RBFOX3: variants seen among roughly 807,000 people sequenced by gnomAD.
RBFOX3 encodes the protein RNA binding fox-1 homolog 3.
RBFOX3 carries 17 observed loss-of-function variants against 48.7 expected under a neutral mutation model. The ratio of observed to expected loss-of-function variants is 0.35; its 90% CI spans 0.24 to 0.52. RBFOX3 has a LOEUF of 0.52. Ranked by LOEUF, RBFOX3 falls within the 20% of genes least tolerant of loss-of-function variation. RBFOX3 has a pLI of 0.94. For missense variants in RBFOX3, 382 were observed against 497.5 expected (o/e 0.77, Z 2.21); for synonymous variants, 212 against 209.5 (o/e 1.01, Z -0.10).
chr17:79,657,841 C>T, the RBFOX3 span, among the ~76,000 whole-genome samples: 2 of 152,310 alleles, frequency 1.3e-5, no homozygotes, highest in Non-Finnish European at 2.9e-5. Context: ...ATGTTTCCCT[C>T]CGTTTTTAAA....
intron 2 of RBFOX3, among the ~76,000 whole-genome samples, chr17:79,448,086 G>A (rs1304467195): frequency 6.6e-6 from 1 of 152,120 alleles, no homozygotes; most frequent in Non-Finnish European, 1.5e-5. Flanking sequence ...CACGCTTCTG[G>A]TACAACCTGT....
the RBFOX3 span, among the ~76,000 whole-genome samples, chr17:79,654,131 A>C: frequency 6.6e-6 from 1 of 152,170 alleles, no homozygotes; most frequent in Admixed American, 6.5e-5. Context: ...GGACGTATAC[A>C]GCTTGCAAAG....
At chr17:79,305,873 T>C (rs12940302) in intron 3 of RBFOX3, among the ~76,000 whole-genome samples, 99,980 of 152,174 alleles carry the variant, frequency 0.66, 32,972 homozygotes, top group South Asian at 0.68. Flanking sequence ...AGAGAGTGCA[T>C]AACCTGGCTA....
chr17:79,145,206 C>T (rs1479746876), intron 4 of RBFOX3, among the ~76,000 whole-genome samples: 1 of 152,164 alleles, frequency 6.6e-6, no homozygotes, highest in Non-Finnish European at 1.5e-5. Context: ...GCCAGGACCC[C>T]CAACACAGGA....
chr17:79,436,520 G>A (rs193144908), intron 2 of RBFOX3, among the ~76,000 whole-genome samples: 23 of 152,284 alleles, frequency 1.5e-4, no homozygotes, highest in East Asian at 9.7e-4. Context: ...CAGGACACCC[G>A]GGAGGAGCTG....
At chr17:79,202,968 C>G in intron 4 of RBFOX3, among the ~76,000 whole-genome samples, 1 of 152,062 alleles carries the variant, frequency 6.6e-6, no homozygotes. Context: ...AGTAACGCAC[C>G]CTTGGATTCC....
chr17:79,442,556 C>T (rs1555735794), intron 2 of RBFOX3, among the ~76,000 whole-genome samples: 1 of 152,032 alleles, frequency 6.6e-6, no homozygotes, highest in African/African-American at 2.4e-5. Context: ...GATTTCATGA[C>T]AAAATGCAGA....
chr17:79,186,037 T>C (rs1044227215), intron 4 of RBFOX3, among the ~76,000 whole-genome samples: 1 of 152,166 alleles, frequency 6.6e-6, no homozygotes, highest in African/African-American at 2.4e-5. Flanking sequence ...AGCTCAGTCA[T>C]TGGCCCAAAG....
intron 11 of RBFOX3, 117 bp from the exon 12 acceptor site, chr17:79,096,950 T>C (rs979916498): frequency 5.0e-6 from 3 of 601,526 alleles, no homozygotes; most frequent in South Asian, 2.0e-5. Context: ...CCTTTAGTGA[T>C]GGAGGGCACC....
chr17:79,293,772 T>A (rs1017124455), intron 3 of RBFOX3, among the ~76,000 whole-genome samples: 3 of 152,148 alleles, frequency 2.0e-5, no homozygotes, highest in African/African-American at 7.2e-5. Flanking sequence ...TTGCTTTAGA[T>A]AACCTGCTGC....
chr17:79,448,010 T>C (rs1463104701), intron 2 of RBFOX3, among the ~76,000 whole-genome samples: 17 of 152,182 alleles, frequency 1.1e-4, no homozygotes, highest in Admixed American at 1.0e-3. Context: ...CCTGCTGCCA[T>C]GTGAAGACGT....
intron 2 of RBFOX3, among the ~76,000 whole-genome samples, chr17:79,345,253 T>G (rs777954246): frequency 1.3e-5 from 2 of 152,234 alleles, no homozygotes; most frequent in Non-Finnish European, 2.9e-5. Flanking sequence ...TTTACGTGCA[T>G]AGAGTTGCCT....
chr17:79,256,234 G>A (rs920821854), intron 3 of RBFOX3, among the ~76,000 whole-genome samples: 2 of 152,006 alleles, frequency 1.3e-5, no homozygotes, highest in African/African-American at 2.4e-5. Flanking sequence ...AGGGAGGCAC[G>A]CTTGTCTCTG....
At chr17:79,379,697 C>A (rs1568144170) in intron 2 of RBFOX3, among the ~76,000 whole-genome samples, 1 of 152,174 alleles carries the variant, frequency 6.6e-6, no homozygotes, top group Non-Finnish European at 1.5e-5. Context: ...ACAGCTCAGC[C>A]CCCGCAAATC....
intron 4 of RBFOX3, among the ~76,000 whole-genome samples, chr17:79,175,744 G>A (rs1447088272): frequency 6.6e-6 from 1 of 152,250 alleles, no homozygotes; most frequent in African/African-American, 2.4e-5. Flanking sequence ...CTCTGAGGGT[G>A]ATTAAGAGGC....
At chr17:79,109,577 C>T (rs963575227) in intron 5 of RBFOX3, among the ~76,000 whole-genome samples, 5 of 152,344 alleles carry the variant, frequency 3.3e-5, no homozygotes, top group South Asian at 2.1e-4. Context: ...AAGGCGAGAC[C>T]GTCCAAACAT....
chr17:79,612,056 A>C (rs2145585843), upstream of RBFOX3, among the ~76,000 whole-genome samples: 1 of 152,266 alleles, frequency 6.6e-6, no homozygotes, highest in East Asian at 1.9e-4. Flanking sequence ...GACCCTCTGG[A>C]AAGGCAGGAG....
intron 1 of RBFOX3, among the ~76,000 whole-genome samples, chr17:79,571,538 T>C (rs2092679448): frequency 1.9e-5 from 2 of 107,372 alleles, no homozygotes; most frequent in East Asian, 3.2e-4. Flanking sequence ...CCCCAACCAC[T>C]CTCTTCCATC....
the RBFOX3 span, among the ~76,000 whole-genome samples, chr17:79,656,832 A>AG: frequency 7.9e-6 from 1 of 126,354 alleles, no homozygotes; most frequent in Admixed American, 7.8e-5. Flanking sequence ...AAAGAAAGAA[A>AG]AGAAAGAAAG....
Sources: allele counts gnomAD v4.1 joint callset (sites outside exome capture counted in the v4.1 genomes callset), GRCh38; gene constraint gnomAD v4.1.1; transcripts MANE v1.5; gene names NCBI Gene and HGNC (gene_info 2026-07-23, HGNC 2026-07-21).